Variants in PCDHA5 observed in about 807,000 individuals in gnomAD.
The protein encoded by PCDHA5 is protocadherin alpha 5.
PCDHA5 carries 43 observed loss-of-function variants against 61.6 expected under a neutral mutation model. The ratio of observed to expected loss-of-function variants is 0.70; its 90% CI spans 0.55 to 0.90. The LOEUF is 0.90. PCDHA5 is among the 40% of genes least tolerant of loss of function. The probability of loss-of-function intolerance (pLI) is 0.00; values close to 1 mark genes in which losing one functional copy is unlikely to be tolerated. For synonymous variants in PCDHA5, 627 were observed against 543.9 expected (o/e 1.15, Z -2.13); for missense variants, 1,298 against 1,222.7 (o/e 1.06, Z -0.92).
rs2150437500 is a variant in PCDHA5, at chr5:140,849,439, C to A, written c.2352+25312C>A. ...CATATGGATTTTGAAGAAAGTAGAG[C>A]ACACAAGATCCCAGTCGAGGCTGTC... On this transcript the variant is annotated intron_variant, in intron 1 of 3. Transcript: ENST00000529859. 1.5e-5 allele frequency: 23 copies of A among 1,582,476 alleles called. 2 individuals carry two copies. In the African/African-American group the frequency reaches 2.8e-4, roughly 19 times the overall value.
At chr5:140,997,225 C>T (rs1554255781) in intron 3 of PCDHA5, among the ~76,000 whole-genome samples, 1 of 152,090 alleles carries the variant, frequency 6.6e-6, no homozygotes, top group African/African-American at 2.4e-5. Context: ...CTATCATTAC[C>T]ACCCAACTTC....
intron 1 of PCDHA5, among the ~76,000 whole-genome samples, chr5:140,827,804 G>C (rs1554130889): frequency 6.6e-6 from 1 of 152,206 alleles, no homozygotes; most frequent in East Asian, 1.9e-4. Flanking sequence ...AATTACAAAC[G>C]TGAGGAGGGT....
At position 140,968,504 on chromosome 5, in the gene PCDHA5, C is replaced by T. The variant is rs147528189; in HGVS notation, c.2353-10445C>T. 58 of 1,614,064 alleles carry T rather than the reference C, an allele frequency of 3.6e-5. No individual in the cohort carries two copies. In the African/African-American group the frequency reaches 6.7e-4, roughly 19 times the overall value. ...CATGAATGACCATGCCCCTCACATT[C>T]TGTACCCTACCTCAACCAACTCGTC... On this transcript the variant is annotated intron_variant, in intron 1 of 3. Transcript: ENST00000529859.
At position 140,857,694 on chromosome 5, in the gene PCDHA5, C is replaced by T. The variant is rs1554150531; in HGVS notation, c.2352+33567C>T. 1 of 1,597,142 alleles carries T rather than the reference C, an allele frequency of 6.3e-7. No individual in the cohort carries two copies. Among genetic ancestry groups the T allele is most frequent in the Non-Finnish European group, 8.6e-7 (1 of 1,167,746 alleles). On this transcript the variant is annotated intron_variant, in intron 1 of 3. Coordinates refer to ENST00000529859, the MANE Select transcript of PCDHA5 (RefSeq NM_018908.3). Reference sequence around the variant, plus strand: ...GTGCCGCCTCTGGGCAGCAACTTGACGCTGCAGGTGTTCGTGCTGGACGAG... The same window carrying T: ...GTGCCGCCTCTGGGCAGCAACTTGATGCTGCAGGTGTTCGTGCTGGACGAG...
At chr5:140,857,620 C>T (rs782083775) in intron 1 of PCDHA5, 2 of 1,596,564 alleles carry the variant, frequency 1.3e-6, no homozygotes, top group East Asian at 2.2e-5. Context: ...CGCTGGACCA[C>T]GAGGAGCTGG....
chr5:140,972,499 G>A (rs1398741603), intron 1 of PCDHA5, among the ~76,000 whole-genome samples: 3 of 151,888 alleles, frequency 2.0e-5, no homozygotes, highest in South Asian at 4.2e-4. Flanking sequence ...TAATCTGTTG[G>A]TAGATTTTAC....
At chr5:140,862,972 C>T (rs1554157331) in intron 1 of PCDHA5, 1 of 545,254 alleles carries the variant, frequency 1.8e-6, no homozygotes, top group Non-Finnish European at 3.6e-6. Flanking sequence ...ATGCAGGCCA[C>T]TTGGTGGCGA....
chr5:140,974,720 C>T (rs1554236283), intron 1 of PCDHA5, among the ~76,000 whole-genome samples: 1 of 152,070 alleles, frequency 6.6e-6, no homozygotes, highest in African/African-American at 2.4e-5. Context: ...AAGCTGCTCT[C>T]GAACTCCTGT....
intron 1 of PCDHA5, among the ~76,000 whole-genome samples, chr5:140,932,418 ATTG>A (rs1457931424): frequency 1.3e-5 from 2 of 151,928 alleles, no homozygotes; most frequent in African/African-American, 4.8e-5. Context: ...ATATTAGTGT[ATTG>A]TTCACCTGGA....
At chr5:140,968,508 A>C (rs977964716) in intron 1 of PCDHA5, 1 of 1,613,950 alleles carries the variant, frequency 6.2e-7, no homozygotes, top group African/African-American at 1.3e-5. Context: ...CACATTCTGT[A>C]CCCTACCTCA....
intron 1 of PCDHA5, chr5:140,968,416 G>A: frequency 1.2e-6 from 2 of 1,613,992 alleles, no homozygotes; most frequent in Non-Finnish European, 1.7e-6. Context: ...TGACTGTGGA[G>A]GCTCAGGACA....
In PCDHA5 at chr5:141,010,461, G is replaced by A; in HGVS notation, c.*524G>A. The A allele has an allele frequency of 1.2e-6, 1 of 823,014 alleles. No homozygotes were observed. The highest frequency in any genetic ancestry group is 1.8e-6 in the Non-Finnish European group (1 of 553,022). The allele number at this position is 823,014 out of a possible 1,614,324, so 51.0% of individuals were successfully genotyped here. A position where few individuals can be genotyped will look rare whatever the true frequency, so the allele number is the denominator to read the frequency against. On this transcript the variant is annotated 3_prime_UTR_variant, in exon 4 of 4. Transcript: ENST00000529859. ...GACAAATAAACAGCGGAAGTTATCA[G>A]TATGGAGGGGAAGTGTAAACTTAAA...
chr5:140,983,548 T>C (rs1479703561), intron 3 of PCDHA5, among the ~76,000 whole-genome samples: 1 of 152,212 alleles, frequency 6.6e-6, no homozygotes, highest in African/African-American at 2.4e-5. Context: ...GTCTCATTTA[T>C]TCCTTAAGTC....
In PCDHA5 at chr5:140,840,930, C is replaced by T. The variant is rs2150310156; in HGVS notation, c.2352+16803C>T. Among the ~76,000 whole-genome samples the T allele has an allele frequency of 2.0e-5, 3 of 151,804 alleles. No homozygotes were observed. The South Asian group carries it at 6.2e-4, about 32-fold the overall frequency. On this transcript the variant is annotated intron_variant, in intron 1 of 3. Transcript: ENST00000529859. ...TACTTAAATTTATTATTAATTGATACGATATTTGAAATATTGGGAAGAAAT... is the reference window on the plus strand; with the variant it reads ...TACTTAAATTTATTATTAATTGATATGATATTTGAAATATTGGGAAGAAAT...
At chr5:140,893,616 G>C (rs1431019657) in intron 1 of PCDHA5, among the ~76,000 whole-genome samples, 3 of 152,188 alleles carry the variant, frequency 2.0e-5, no homozygotes, top group African/African-American at 7.2e-5. Context: ...CATTTCTGAA[G>C]TATAGCTCTG....
intron 1 of PCDHA5, chr5:140,830,092 G>T: frequency 1.2e-6 from 2 of 1,613,632 alleles, no homozygotes; most frequent in Non-Finnish European, 1.7e-6. Flanking sequence ...CGGTTCTGGT[G>T]TCGCTGGTGG....
At chr5:140,911,592 A>G (rs1255304289) in intron 1 of PCDHA5, among the ~76,000 whole-genome samples, 1 of 152,212 alleles carries the variant, frequency 6.6e-6, no homozygotes, top group Non-Finnish European at 1.5e-5. Flanking sequence ...GGAGGAACCA[A>G]CCAACTTCAT....
chr5:141,004,142 G>A (rs1323224367), intron 3 of PCDHA5, among the ~76,000 whole-genome samples: 2 of 152,214 alleles, frequency 1.3e-5, no homozygotes, highest in African/African-American at 4.8e-5. Flanking sequence ...TGCCCCAAAG[G>A]CATGACATTT....
rs2150346184 is a variant in PCDHA5, at chr5:140,842,847, C to T, written c.2352+18720C>T. 8 of 1,593,796 alleles carry T rather than the reference C, an allele frequency of 5.0e-6. 1 individual carries two copies. Among genetic ancestry groups the T allele is most frequent in the Non-Finnish European group, 1.7e-6 (2 of 1,165,370 alleles). On this transcript the variant is annotated intron_variant, in intron 1 of 3. Coordinates refer to ENST00000529859, the MANE Select transcript of PCDHA5 (RefSeq NM_018908.3). ...GAGCGCTCGCTGTCGAGCTACATTT[C>T]GGTGCACACGGAGAGCGGCAAGGTG...
Sources: gnomAD v4.1 joint callset for allele counts (sites outside exome capture counted in the v4.1 genomes callset) on GRCh38, gnomAD v4.1.1 for gene constraint, MANE v1.5 for transcripts, NCBI Gene and HGNC (gene_info 2026-07-23, HGNC 2026-07-21) for gene names.